Variants in MKLN1 observed in about 807,000 individuals in gnomAD.
MKLN1 encodes muskelin.
Under a neutral mutation model 99.0 loss-of-function variants are expected in MKLN1, and 18 were observed. That is an observed-to-expected ratio of 0.18 (90% CI 0.13 to 0.27). MKLN1 has a LOEUF of 0.27. Ranked by LOEUF, MKLN1 falls within the 10% of genes least tolerant of loss-of-function variation. The pLI is 1.00. For missense variants in MKLN1, 621 were observed against 875.9 expected (o/e 0.71, Z 3.67); for synonymous variants, 288 against 293.2 (o/e 0.98, Z 0.18).
At chr7:131,230,170 C>T (rs377208054) in intron 3 of MKLN1, among the ~76,000 whole-genome samples, 1 of 152,134 alleles carries the variant, frequency 6.6e-6, no homozygotes, top group African/African-American at 2.4e-5. Context: ...TGGTATCTTA[C>T]TGCCATAAAA....
At chr7:131,119,983 T>A (rs979571076) in intron 1 of MKLN1, among the ~76,000 whole-genome samples, 1 of 152,198 alleles carries the variant, frequency 6.6e-6, no homozygotes, top group African/African-American at 2.4e-5. Flanking sequence ...TTCAAGTCAT[T>A]TCTTTGTTTA....
At chr7:131,116,027 C>T (rs976010632) in intron 1 of MKLN1, among the ~76,000 whole-genome samples, 4 of 152,180 alleles carry the variant, frequency 2.6e-5, no homozygotes, top group Admixed American at 6.5e-5. Context: ...TAATTAGGGC[C>T]GGGCACGGTG....
chr7:131,458,630 C>T (rs1468463319), intron 12 of MKLN1, among the ~76,000 whole-genome samples: 3 of 151,906 alleles, frequency 2.0e-5, no homozygotes, highest in African/African-American at 4.8e-5. Flanking sequence ...TCAGTGCCAC[C>T]GTCTCTTATA....
At chr7:131,237,165 C>T (rs1382917157) in intron 3 of MKLN1, among the ~76,000 whole-genome samples, 2 of 152,122 alleles carry the variant, frequency 1.3e-5, no homozygotes, top group Admixed American at 6.5e-5. Flanking sequence ...CAATTTATCA[C>T]ACAATGTCCA....
chr7:131,353,892 T>C (rs1474687928), intron 1 of MKLN1, among the ~76,000 whole-genome samples: 1 of 137,552 alleles, frequency 7.3e-6, no homozygotes, highest in Non-Finnish European at 1.6e-5. Flanking sequence ...TGAATTGCTT[T>C]TGTACCTTTG....
chr7:131,390,913 G>C (rs2116892968), intron 4 of MKLN1, among the ~76,000 whole-genome samples: 1 of 152,076 alleles, frequency 6.6e-6, no homozygotes, highest in South Asian at 2.1e-4. Context: ...GTTAATTGGA[G>C]CTTTCCAAAT....
intron 3 of MKLN1, among the ~76,000 whole-genome samples, chr7:131,246,270 C>T (rs1797487593): frequency 6.6e-6 from 1 of 152,144 alleles, no homozygotes; most frequent in South Asian, 2.1e-4. Flanking sequence ...CTTGTGAGGC[C>T]CAGGGAATGC....
chr7:131,278,371 A>G (rs1251111308), intron 3 of MKLN1, among the ~76,000 whole-genome samples: 2 of 151,978 alleles, frequency 1.3e-5, no homozygotes, highest in East Asian at 1.9e-4. Flanking sequence ...TCTCTTCTTT[A>G]TAATCCAGGT....
chr7:131,455,821 G>A (rs928501780), intron 12 of MKLN1, among the ~76,000 whole-genome samples: 1 of 152,108 alleles, frequency 6.6e-6, no homozygotes, highest in African/African-American at 2.4e-5. Context: ...CGAGGCAGGC[G>A]AATCACCTGA....
intron 2 of MKLN1, among the ~76,000 whole-genome samples, chr7:131,169,088 A>G (rs1398429472): frequency 6.6e-6 from 1 of 151,938 alleles, no homozygotes; most frequent in Non-Finnish European, 1.5e-5. Context: ...CTGGTCTCCA[A>G]CTCATGACCT....
intron 7 of MKLN1, among the ~76,000 whole-genome samples, chr7:131,411,906 CAAAAAAAAAAAAAAAAAAA>C (rs34182914): frequency 3.8e-5 from 2 of 53,096 alleles, no homozygotes; most frequent in Non-Finnish European, 7.0e-5. Flanking sequence ...GATTCCATCT[CAAAAAAAAAAAAAAAAAAA>C]AAAAAAAAAA....
intron 3 of MKLN1, among the ~76,000 whole-genome samples, chr7:131,297,722 GT>G (rs1798314153): frequency 6.6e-6 from 1 of 152,168 alleles, no homozygotes; most frequent in African/African-American, 2.4e-5. Context: ...ATAGGACAAG[GT>G]TGTGTGCAGG....
chr7:131,275,556 TATATATATA>T (rs1191137303), intron 3 of MKLN1, among the ~76,000 whole-genome samples: 1 of 26,038 alleles, frequency 3.8e-5, no homozygotes, highest in East Asian at 8.4e-4. Flanking sequence ...TATATATATA[TATATATATA>T]TATTTTTTTT....
chr7:131,305,561 G>A (rs1395385846), intron 3 of MKLN1, among the ~76,000 whole-genome samples: 1 of 152,178 alleles, frequency 6.6e-6, no homozygotes, highest in Non-Finnish European at 1.5e-5. Context: ...TTCAGGCTTT[G>A]TGGGGGTGAC....
At chr7:131,322,010 TC>T (rs1308851698) in intron 3 of MKLN1, among the ~76,000 whole-genome samples, 2 of 152,230 alleles carry the variant, frequency 1.3e-5, no homozygotes, top group African/African-American at 4.8e-5. Context: ...ACAATTGGTA[TC>T]CCAAAAGGTT....
intron 3 of MKLN1, among the ~76,000 whole-genome samples, chr7:131,307,769 G>A (rs1361558284): frequency 6.6e-6 from 1 of 152,118 alleles, no homozygotes; most frequent in East Asian, 1.9e-4. Flanking sequence ...TTATTTTACA[G>A]GCTCCTAGGC....
intron 17 of MKLN1, among the ~76,000 whole-genome samples, chr7:131,480,659 A>G (rs1797097576): frequency 6.6e-6 from 1 of 152,230 alleles, no homozygotes; most frequent in East Asian, 1.9e-4. Flanking sequence ...ACCTTAGGCT[A>G]CTAGAAATCC....
intron 3 of MKLN1, among the ~76,000 whole-genome samples, chr7:131,216,609 A>T (rs1267298884): frequency 6.6e-6 from 1 of 152,210 alleles, no homozygotes; most frequent in Non-Finnish European, 1.5e-5. Flanking sequence ...AAAGGATTAC[A>T]GAACTAGCTT....
At chr7:131,461,703 T>C (rs1402943579) in intron 12 of MKLN1, among the ~76,000 whole-genome samples, 2 of 152,190 alleles carry the variant, frequency 1.3e-5, no homozygotes, top group Non-Finnish European at 2.9e-5. Context: ...CAATCTGATA[T>C]TTGTTTAGCT....
Sources: allele counts gnomAD v4.1 joint callset (sites outside exome capture counted in the v4.1 genomes callset), GRCh38; gene constraint gnomAD v4.1.1; transcripts MANE v1.5; gene names NCBI Gene and HGNC (gene_info 2026-07-23, HGNC 2026-07-21).